Variants in SLMAP observed in about 807,000 individuals in gnomAD.
The protein encoded by SLMAP is sarcolemmal membrane-associated protein.
Under a neutral mutation model 128.8 loss-of-function variants are expected in SLMAP, and 44 were observed. The ratio of observed to expected loss-of-function variants is 0.34; its 90% CI spans 0.27 to 0.44. The LOEUF (loss-of-function observed/expected upper bound fraction) is 0.44. SLMAP is among the 20% of genes least tolerant of loss of function. The probability of loss-of-function intolerance (pLI) is 1.00; values close to 1 mark genes in which losing one functional copy is unlikely to be tolerated. For missense variants in SLMAP, 787 were observed against 985.3 expected (o/e 0.80, Z 2.69); for synonymous variants, 327 against 348.8 (o/e 0.94, Z 0.70).
Position 57,796,260 on chromosome 3 carries a change from A to G in SLMAP, c.199-35123A>G, listed in dbSNP as rs188065606. The stretch of plus-strand genomic sequence containing the variant: ...ATCAGAATAGTAGTTTTCAAACGGT[A>G]GAGTCTTCTGGGATGTTTAGTAAAA... On this transcript the variant is annotated intron_variant, in intron 2 of 24. Coordinates refer to ENST00000671191, the MANE Select transcript of SLMAP (RefSeq NM_001377540.1). 2.2e-3 allele frequency among the ~76,000 whole-genome samples: 329 copies of G among 152,334 alleles called. 1 individual carries two copies. The highest frequency in any genetic ancestry group is 7.7e-3 in the African/African-American group (319 of 41,574).
rs754184559 is a variant in SLMAP at position 57,922,985 on chromosome 3, A to G, written c.2407A>G (p.Lys803Glu). ...QSITDELKQC[K>E]NNLKLLREKG... The stretch of plus-strand genomic sequence containing the variant: ...AATCACAGATGAGCTCAAACAGTGT[A>G]AAAACAACCTGAAGCTGCTCCGAGA... Residue 803 changes from lysine (K) to glutamate (E), a missense_variant, in exon 23 of 25, where the codon AAA becomes GAA. Transcript: ENST00000671191. 11 of 1,613,984 alleles carry G rather than the reference A, an allele frequency of 6.8e-6. No individual in the cohort carries two copies. Among genetic ancestry groups the G allele is most frequent in the Admixed American group, 5.0e-5 (3 of 60,012 alleles).
chr3:57,909,001 A>G (rs2096630271), intron 18 of SLMAP, 75 bp from the exon 19 acceptor site: 1 of 1,048,950 alleles, frequency 9.5e-7, no homozygotes, highest in East Asian at 2.4e-5. Context: ...TTTAAAAGAA[A>G]TTTTCAGCTG....
At chr3:57,900,101 A>C (rs1204372391) in intron 17 of SLMAP, 1 of 152,238 alleles carries the variant, frequency 6.6e-6, no homozygotes, top group Admixed American at 6.5e-5. Context: ...TTACAGCTAT[A>C]TAAGGCAGCT....
intron 13 of SLMAP, among the ~76,000 whole-genome samples, chr3:57,865,664 A>C (rs1323921272): frequency 6.6e-6 from 1 of 152,178 alleles, no homozygotes; most frequent in African/African-American, 2.4e-5. Flanking sequence ...GAGTTTATTT[A>C]ACAGCTTATT....
chr3:57,901,050 GT>G (rs2096367747), intron 17 of SLMAP: 1 of 152,134 alleles, frequency 6.6e-6, no homozygotes, highest in Non-Finnish European at 1.5e-5. Context: ...CATGCCTTTT[GT>G]TTGTGTATCC....
chr3:57,871,251 T>C (rs139938179), intron 13 of SLMAP, among the ~76,000 whole-genome samples: 291 of 152,326 alleles, frequency 1.9e-3, no homozygotes, highest in African/African-American at 6.7e-3. Flanking sequence ...CTAAGATGAA[T>C]AGCTTTGAAG....
intron 2 of SLMAP, among the ~76,000 whole-genome samples, chr3:57,769,489 G>A (rs1411414953): frequency 1.3e-5 from 2 of 151,942 alleles, no homozygotes; most frequent in Non-Finnish European, 2.9e-5. Flanking sequence ...CACCGCGCCC[G>A]GCTGGATTTT....
At chr3:57,764,560 A>AT (rs2079306202) in intron 2 of SLMAP, among the ~76,000 whole-genome samples, 2 of 152,168 alleles carry the variant, frequency 1.3e-5, no homozygotes, top group African/African-American at 4.8e-5. Flanking sequence ...CAATAGCAGT[A>AT]TGTAGAGTTG....
chr3:57,868,354 G>C (rs745934270), intron 13 of SLMAP, among the ~76,000 whole-genome samples: 1 of 151,962 alleles, frequency 6.6e-6, no homozygotes, highest in Non-Finnish European at 1.5e-5. Context: ...AGCAAGGGAG[G>C]ATTGTTTGAG....
chr3:57,909,960 C>A (rs1441042600), intron 19 of SLMAP, among the ~76,000 whole-genome samples: 1 of 150,264 alleles, frequency 6.7e-6, no homozygotes, highest in Non-Finnish European at 1.5e-5. Context: ...TTGTCCAGTA[C>A]TCTCGTATTA....
chr3:57,772,401 C>T (rs752393886), intron 2 of SLMAP, among the ~76,000 whole-genome samples: 1 of 152,180 alleles, frequency 6.6e-6, no homozygotes, highest in Non-Finnish European at 1.5e-5. Flanking sequence ...TTTTCAGAAT[C>T]GTTGAAAGGC....
rs763685579 is a variant in SLMAP, at chr3:57,889,999, C to T, written c.1301-42C>T. The T allele has an allele frequency of 1.1e-5, 15 of 1,398,550 alleles. No homozygotes were observed. In the Middle Eastern group the frequency reaches 5.3e-4, roughly 49 times the overall value. The allele number at this position is 1,398,550 out of a possible 1,614,324, so 86.6% of individuals were successfully genotyped here. ...CACTGCCCAGCTCAGGGAAATGCTG[C>T]TCAGTTTGGGCTTGGATGGTAACGT... On this transcript the variant is annotated intron_variant, in intron 14 of 24. Transcript: ENST00000671191.
At chr3:57,792,073 G>A (rs2085593355) in intron 2 of SLMAP, among the ~76,000 whole-genome samples, 1 of 152,068 alleles carries the variant, frequency 6.6e-6, no homozygotes, top group Non-Finnish European at 1.5e-5. Flanking sequence ...AAGCTAACTA[G>A]TGACATTTAT....
At chr3:57,808,183 T>C (rs2090258992) in intron 2 of SLMAP, among the ~76,000 whole-genome samples, 2 of 152,174 alleles carry the variant, frequency 1.3e-5, no homozygotes, top group African/African-American at 4.8e-5. Flanking sequence ...GTCTATCTAT[T>C]TTGTTAATTT....
chr3:57,831,592 TCTTA>T (rs1361897393), intron 3 of SLMAP, 62 bp downstream of exon 3: 2 of 1,165,248 alleles, frequency 1.7e-6, no homozygotes, highest in African/African-American at 1.6e-5. Flanking sequence ...TTTTTTATTA[TCTTA>T]CTTGACATTA....
chr3:57,815,991 C>A (rs965435971), intron 2 of SLMAP, among the ~76,000 whole-genome samples: 1 of 152,148 alleles, frequency 6.6e-6, no homozygotes, highest in Non-Finnish European at 1.5e-5. Context: ...TTAACCTTTA[C>A]AACAAACATT....
In SLMAP at chr3:57,820,943, C is replaced by G. The variant is rs553936417; in HGVS notation, c.199-10440C>G. 1.5e-3 allele frequency among the ~76,000 whole-genome samples: 223 copies of G among 152,266 alleles called. 2 individuals carry two copies. The highest frequency in any genetic ancestry group is 2.6e-3 in the Non-Finnish European group (179 of 68,006). On this transcript the variant is annotated intron_variant, in intron 2 of 24. Transcript: ENST00000671191. ...TTAAGGCAAATTAAGGGGGATCTTACAAGTTTTTAGATGACCCTGACAGGT... is the reference window on the plus strand; with the variant it reads ...TTAAGGCAAATTAAGGGGGATCTTAGAAGTTTTTAGATGACCCTGACAGGT...
At chr3:57,809,836 G>A (rs566046771) in intron 2 of SLMAP, among the ~76,000 whole-genome samples, 5 of 152,318 alleles carry the variant, frequency 3.3e-5, no homozygotes, top group Admixed American at 2.6e-4. Context: ...GAGCTACTCT[G>A]TCACTCAGTA....
At chr3:57,834,043 G>C (rs967031157) in intron 3 of SLMAP, among the ~76,000 whole-genome samples, 2 of 152,048 alleles carry the variant, frequency 1.3e-5, no homozygotes, top group African/African-American at 4.8e-5. Flanking sequence ...CTGGATCAAA[G>C]AGGAAATCAA....
Sources: allele counts gnomAD v4.1 joint callset (sites outside exome capture counted in the v4.1 genomes callset), GRCh38; gene constraint gnomAD v4.1.1; transcripts MANE v1.5; gene names NCBI Gene and HGNC (gene_info 2026-07-23, HGNC 2026-07-21).